The following COL5A2 variants were observed in gnomAD, a reference collection of about 807,000 sequenced individuals.
COL5A2 encodes collagen type V alpha 2 chain.
Under a neutral mutation model 208.2 loss-of-function variants are expected in COL5A2, and 23 were observed. That is an observed-to-expected ratio of 0.11 (90% confidence interval 0.08 to 0.16). The LOEUF (loss-of-function observed/expected upper bound fraction) is 0.16. Ranked by LOEUF, COL5A2 falls within the 10% of genes least tolerant of loss-of-function variation. The pLI, the probability that COL5A2 is intolerant of heterozygous loss-of-function variation, is 1.00. For missense variants in COL5A2, 1,590 were observed against 1,956.4 expected (o/e 0.81, Z 3.53); for synonymous variants, 625 against 628.5 (o/e 0.99, Z 0.08).
At chr2:189,078,412 A>C (rs1231112301) in intron 16 of COL5A2, 104 bp downstream of exon 16, 1 of 881,716 alleles carries the variant, frequency 1.1e-6, no homozygotes, top group Non-Finnish European at 1.9e-6. Flanking sequence ...AAAAAAGGTG[A>C]CCAGTACTAT....
Position 189,068,948 on chromosome 2 carries a change from G to T in COL5A2, c.1159-64C>A. On this transcript the variant is annotated intron_variant, in intron 18 of 53. Transcript: ENST00000374866. The stretch of plus-strand genomic sequence containing the variant: ...TACGAGAGTGGCATTGTACAAAGTT[G>T]ACCGCTTATTTGGAATTTTACATTT... 4 of 1,159,168 alleles carry T rather than the reference G, an allele frequency of 3.5e-6. No individual in the cohort carries two copies. The South Asian group carries it at 3.8e-5, about 11-fold the overall frequency. The allele number at this position is 1,159,168 out of a possible 1,614,324, so 71.8% of individuals were successfully genotyped here. A position where few individuals can be genotyped will look rare whatever the true frequency, so the allele number is the denominator to read the frequency against.
chr2:189,082,830 T>C (rs965165581), intron 12 of COL5A2, among the ~76,000 whole-genome samples: 1 of 152,178 alleles, frequency 6.6e-6, no homozygotes, highest in Non-Finnish European at 1.5e-5. Flanking sequence ...AGTTCAAACC[T>C]GGATGGGTTG....
the COL5A2 span, among the ~76,000 whole-genome samples, chr2:189,299,457 A>T: frequency 2.0e-5 from 3 of 152,118 alleles, no homozygotes; most frequent in African/African-American, 7.3e-5. Context: ...TAACCTGCAA[A>T]GAAGAAGAAC....
the COL5A2 span, among the ~76,000 whole-genome samples, chr2:189,295,506 T>C: frequency 6.6e-6 from 1 of 152,128 alleles, no homozygotes; most frequent in African/African-American, 2.4e-5. Flanking sequence ...TCTCAGCTAC[T>C]TGGGAGGCTG....
At chr2:189,081,086 A>C in intron 12 of COL5A2, 43 bp from the exon 13 acceptor site, 2 of 1,537,862 alleles carry the variant, frequency 1.3e-6, no homozygotes, top group African/African-American at 1.4e-5. Flanking sequence ...GTCATTAATA[A>C]GGATGCAAAA....
At chr2:189,289,211 G>A in the COL5A2 span, among the ~76,000 whole-genome samples, 17 of 151,820 alleles carry the variant, frequency 1.1e-4, no homozygotes, top group Admixed American at 2.6e-4. Context: ...GCGTGGTGGC[G>A]TACACCTGTA....
At chr2:189,429,872 G>C in the COL5A2 span, among the ~76,000 whole-genome samples, 1 of 152,134 alleles carries the variant, frequency 6.6e-6, no homozygotes, top group Non-Finnish European at 1.5e-5. Flanking sequence ...TATTACTGTA[G>C]GCAATACTGA....
chr2:189,288,868 G>T, the COL5A2 span, among the ~76,000 whole-genome samples: 28 of 152,054 alleles, frequency 1.8e-4, no homozygotes, highest in Admixed American at 7.9e-4. Flanking sequence ...GTGACCAACA[G>T]GAATTTATCT....
chr2:189,097,380 T>G, intron 5 of COL5A2, 50 bp from the exon 6 acceptor site: 1 of 1,592,920 alleles, frequency 6.3e-7, no homozygotes, highest in Non-Finnish European at 8.6e-7. Flanking sequence ...ACTTTCTTAT[T>G]GAATTTTTAA....
chr2:189,351,997 C>T, the COL5A2 span, among the ~76,000 whole-genome samples: 875 of 151,512 alleles, frequency 5.8e-3, 6 homozygotes, highest in Non-Finnish European at 0.01. Context: ...TGATGCTCCC[C>T]GCCCCCTGTG....
At chr2:189,260,172 T>C in the COL5A2 span, among the ~76,000 whole-genome samples, 3 of 152,216 alleles carry the variant, frequency 2.0e-5, no homozygotes, top group African/African-American at 4.8e-5. Context: ...CTATAAGCTA[T>C]GAAGTCTTTC....
chr2:189,286,189 G>A, the COL5A2 span, among the ~76,000 whole-genome samples: 1 of 151,972 alleles, frequency 6.6e-6, no homozygotes, highest in Non-Finnish European at 1.5e-5. Flanking sequence ...TTATAGTCAA[G>A]TGGCTTTTAG....
chr2:189,267,839 A>C, the COL5A2 span, among the ~76,000 whole-genome samples: 1 of 152,220 alleles, frequency 6.6e-6, no homozygotes. Context: ...CAAGTAGGCC[A>C]ACCAAACCCA....
the COL5A2 span, chr2:189,311,762 G>C: frequency 4.2e-5 from 34 of 804,974 alleles, no homozygotes; most frequent in Non-Finnish European, 6.9e-5. Flanking sequence ...AGCTCCTCTC[G>C]GTTCTTCCAA....
chr2:189,250,655 C>T, the COL5A2 span, among the ~76,000 whole-genome samples: 19 of 152,040 alleles, frequency 1.2e-4, no homozygotes, highest in Admixed American at 5.2e-4. Flanking sequence ...GCTAACTGAA[C>T]GTTCCACTTT....
chr2:189,097,473 A>T (rs72906358), intron 5 of COL5A2, 143 bp from the exon 6 acceptor site: 1 of 855,812 alleles, frequency 1.2e-6, no homozygotes, highest in Non-Finnish European at 1.9e-6. Flanking sequence ...GAATAAAGCC[A>T]TGTGCATATA....
chr2:189,386,350 G>A, the COL5A2 span, among the ~76,000 whole-genome samples: 1 of 152,086 alleles, frequency 6.6e-6, no homozygotes, highest in Non-Finnish European at 1.5e-5. Flanking sequence ...AGACTTAAAT[G>A]TAAGATCTAA....
the COL5A2 span, among the ~76,000 whole-genome samples, chr2:189,406,241 T>C: frequency 6.6e-6 from 1 of 152,194 alleles, no homozygotes; most frequent in Admixed American, 6.5e-5. Flanking sequence ...GTTTTTATAC[T>C]ATACTGCTGA....
chr2:189,142,287 A>G (rs1687948926), intron 1 of COL5A2, among the ~76,000 whole-genome samples: 1 of 152,058 alleles, frequency 6.6e-6, no homozygotes, highest in Non-Finnish European at 1.5e-5. Context: ...TATTTCTAAA[A>G]TAAATGCTTA....
Sources: gnomAD v4.1 joint callset for allele counts (sites outside exome capture counted in the v4.1 genomes callset) on GRCh38, gnomAD v4.1.1 for gene constraint, MANE v1.5 for transcripts, NCBI Gene and HGNC (gene_info 2026-07-23, HGNC 2026-07-21) for gene names.